The following UTRN variants were observed in gnomAD, a reference collection of about 807,000 sequenced individuals.
UTRN encodes the protein utrophin, also known as dystrophin-related protein 1.
A neutral mutation model predicts 463.9 loss-of-function variants in UTRN; 283 were observed. The observed-to-expected ratio is 0.61, with a 90% CI of 0.55 to 0.67. The LOEUF is 0.67. Among genes scored for constraint, UTRN ranks in the 30% least tolerant of loss-of-function variants. The pLI is 0.00. For synonymous variants in UTRN, 1,442 were observed against 1,431.5 expected (o/e 1.01, Z -0.17); for missense variants, 3,922 against 4,084.3 (o/e 0.96, Z 1.08).
chr6:144,533,927 A>G (rs1384681366), intron 43 of UTRN, among the ~76,000 whole-genome samples: 3 of 151,924 alleles, frequency 2.0e-5, no homozygotes, highest in Non-Finnish European at 4.4e-5. Context: ...ACTTTGTTTC[A>G]TATATTCCGT....
chr6:144,681,181 G>A (rs142004856), intron 52 of UTRN, among the ~76,000 whole-genome samples: 44 of 152,294 alleles, frequency 2.9e-4, no homozygotes, highest in Middle Eastern at 3.4e-3. Context: ...GGAGAAGACA[G>A]CCAAAGCCAT....
rs768726868 is a variant in UTRN at position 144,447,628 on chromosome 6, G to T, written c.1749G>T (p.Lys583Asn). 1.2e-6 allele frequency: 2 copies of T among 1,613,416 alleles called. No individual in the cohort carries two copies. The highest frequency in any genetic ancestry group is 1.7e-6 in the Non-Finnish European group (2 of 1,179,848). ...LAILKEDMEM[K>N]RQTLDQLSEI... ...TTTTGAAGGAAGACATGGAAATGAAGCGTCAAACATTGGATCAGCTGAGTG... is the reference window on the plus strand; with the variant it reads ...TTTTGAAGGAAGACATGGAAATGAATCGTCAAACATTGGATCAGCTGAGTG... Residue 583 changes from lysine to asparagine, a missense_variant, in exon 16 of 75, where the codon AAG becomes AAT. By Grantham distance (94) the Lys-to-Asn change is moderately conservative. Coordinates refer to ENST00000367545, the MANE Select transcript of UTRN (RefSeq NM_007124.3).
intron 53 of UTRN, among the ~76,000 whole-genome samples, chr6:144,726,723 G>A (rs1787917262): frequency 6.6e-6 from 1 of 152,154 alleles, no homozygotes; most frequent in Admixed American, 6.5e-5. Context: ...AGGTGGGTGG[G>A]CCTCACCTTC....
intron 25 of UTRN, among the ~76,000 whole-genome samples, chr6:144,479,182 G>C (rs887580887): frequency 6.9e-6 from 1 of 145,914 alleles, no homozygotes; most frequent in Non-Finnish European, 1.5e-5. Flanking sequence ...GCAGTGGTGC[G>C]ATCTCGGCTC....
At chr6:144,657,725 GTT>G (rs748276972) in intron 51 of UTRN, among the ~76,000 whole-genome samples, 3 of 152,184 alleles carry the variant, frequency 2.0e-5, no homozygotes, top group Non-Finnish European at 2.9e-5. Flanking sequence ...GTTCCACGGA[GTT>G]TTTGTTTAAT....
intron 2 of UTRN, among the ~76,000 whole-genome samples, chr6:144,319,856 AT>A (rs36057957): frequency 0.1 from 14,253 of 141,434 alleles, 2,223 homozygotes; most frequent in African/African-American, 0.33. Flanking sequence ...ACTTAAGTAC[AT>A]TTTTTTTTTT....
At chr6:144,517,055 T>C (rs1013526097) in intron 39 of UTRN, 107 bp downstream of exon 39, 15 of 981,556 alleles carry the variant, frequency 1.5e-5, no homozygotes, top group Admixed American at 6.8e-5. Flanking sequence ...CCAGTTGGAA[T>C]ATCATCTCCT....
chr6:144,469,063 T>G (rs955333382), intron 23 of UTRN, among the ~76,000 whole-genome samples: 8 of 151,986 alleles, frequency 5.3e-5, no homozygotes, highest in African/African-American at 1.9e-4. Context: ...GATGGGCCTT[T>G]CCTTCTGTAC....
At chr6:144,305,632 T>C (rs899987980) in intron 2 of UTRN, among the ~76,000 whole-genome samples, 13 of 152,172 alleles carry the variant, frequency 8.5e-5, no homozygotes, top group Non-Finnish European at 1.6e-4. Flanking sequence ...TGAAGTGTAG[T>C]TGAGTTACAG....
intron 58 of UTRN, among the ~76,000 whole-genome samples, chr6:144,763,276 C>T (rs917953274): frequency 6.6e-6 from 1 of 152,084 alleles, no homozygotes; most frequent in Non-Finnish European, 1.5e-5. Flanking sequence ...GTTCTAACTC[C>T]CCCTCTGAGT....
At chr6:144,602,546 G>A (rs1031723667) in intron 51 of UTRN, among the ~76,000 whole-genome samples, 1 of 152,164 alleles carries the variant, frequency 6.6e-6, no homozygotes, top group Non-Finnish European at 1.5e-5. Context: ...AGAAAGACTA[G>A]TAAATACAAG....
chr6:144,698,720 A>C (rs1784267485), intron 52 of UTRN, among the ~76,000 whole-genome samples: 1 of 152,268 alleles, frequency 6.6e-6, no homozygotes, highest in Admixed American at 6.5e-5. Context: ...GGGCCCTAAC[A>C]AGAGCAAAAA....
chr6:144,652,930 T>C (rs1358867224), intron 51 of UTRN, among the ~76,000 whole-genome samples: 2 of 152,238 alleles, frequency 1.3e-5, no homozygotes, highest in Non-Finnish European at 2.9e-5. Flanking sequence ...GCATTAGCTT[T>C]CAAATATAAT....
intron 27 of UTRN, among the ~76,000 whole-genome samples, chr6:144,484,332 T>C (rs1792197068): frequency 6.6e-6 from 1 of 152,014 alleles, no homozygotes. Flanking sequence ...TAGCTCCAAG[T>C]TGGAATTGGG....
chr6:144,358,120 T>C (rs916854726), intron 2 of UTRN, among the ~76,000 whole-genome samples: 2 of 152,278 alleles, frequency 1.3e-5, no homozygotes, highest in African/African-American at 4.8e-5. Context: ...TATATGGATA[T>C]TGTGGGTATT....
chr6:144,332,943 T>C (rs1776444518), intron 2 of UTRN, among the ~76,000 whole-genome samples: 1 of 142,288 alleles, frequency 7.0e-6, no homozygotes, highest in African/African-American at 2.5e-5. Context: ...TTTATTTATT[T>C]ATTTATTTGA....
intron 65 of UTRN, among the ~76,000 whole-genome samples, chr6:144,806,827 G>A (rs2128748609): frequency 6.6e-6 from 1 of 150,460 alleles, no homozygotes; most frequent in African/African-American, 2.4e-5. Flanking sequence ...AATTTTAGAT[G>A]TACTATATTC....
At chr6:144,626,363 C>G (rs1775938043) in intron 51 of UTRN, among the ~76,000 whole-genome samples, 1 of 152,200 alleles carries the variant, frequency 6.6e-6, no homozygotes. Context: ...CTCCAATCTC[C>G]TTTAAATCAG....
At chr6:144,437,542 A>G in intron 10 of UTRN, 23 bp from the exon 11 acceptor site, 1 of 1,574,936 alleles carries the variant, frequency 6.3e-7, no homozygotes, top group Non-Finnish European at 8.6e-7. Context: ...TAGCTCACAA[A>G]TTATAACAAT....
Sources: gnomAD v4.1 joint callset for allele counts (sites outside exome capture counted in the v4.1 genomes callset) on GRCh38, gnomAD v4.1.1 for gene constraint, MANE v1.5 for transcripts, NCBI Gene and HGNC (gene_info 2026-07-23, HGNC 2026-07-21) for gene names.